Variants in AKAP19 observed in about 807,000 individuals in gnomAD.
AKAP19 encodes A-kinase anchoring protein 19.
At chr2:190,128,383 A>G in the AKAP19 span, among the ~76,000 whole-genome samples, 1 of 152,336 alleles carries the variant, frequency 6.6e-6, no homozygotes, top group Admixed American at 6.5e-5. Context: ...CTAAAGATGG[A>G]TTAATCAGAA....
At chr2:189,977,653 T>C in the AKAP19 span, among the ~76,000 whole-genome samples, 1 of 152,240 alleles carries the variant, frequency 6.6e-6, no homozygotes, top group Non-Finnish European at 1.5e-5. Flanking sequence ...TTCTAAATGA[T>C]ATTTAAAACT....
chr2:190,127,703 T>G, the AKAP19 span, among the ~76,000 whole-genome samples: 1 of 152,182 alleles, frequency 6.6e-6, no homozygotes, highest in Non-Finnish European at 1.5e-5. Context: ...ATTTTTTAAA[T>G]TGAGTTATAT....
the AKAP19 span, among the ~76,000 whole-genome samples, chr2:190,039,628 G>T: frequency 6.6e-6 from 1 of 151,540 alleles, no homozygotes. Flanking sequence ...CAGATATTAG[G>T]CCCAGTACCC....
the AKAP19 span, among the ~76,000 whole-genome samples, chr2:189,929,228 G>C: frequency 2.6e-5 from 4 of 152,230 alleles, no homozygotes; most frequent in East Asian, 7.7e-4. Context: ...TGTGTTTTAT[G>C]TAACTTCAGT....
the AKAP19 span, among the ~76,000 whole-genome samples, chr2:190,167,206 C>T: frequency 6.6e-6 from 1 of 152,198 alleles, no homozygotes; most frequent in African/African-American, 2.4e-5. Flanking sequence ...AGGCACGTCT[C>T]ACATTGTGGC....
At chr2:190,188,540 T>C in the AKAP19 span, among the ~76,000 whole-genome samples, 1 of 152,238 alleles carries the variant, frequency 6.6e-6, no homozygotes, top group African/African-American at 2.4e-5. Flanking sequence ...AGGCTAATCA[T>C]AGCTGCCTAA....
the AKAP19 span, among the ~76,000 whole-genome samples, chr2:190,060,825 A>T: frequency 3.9e-5 from 6 of 152,028 alleles, no homozygotes; most frequent in African/African-American, 1.4e-4. Flanking sequence ...CTTACTGAGC[A>T]GCTGTACCAA....
the AKAP19 span, among the ~76,000 whole-genome samples, chr2:190,163,261 C>T: frequency 6.6e-6 from 1 of 151,802 alleles, no homozygotes; most frequent in Admixed American, 6.6e-5. Flanking sequence ...GGTGAAACCC[C>T]GTTTCTACTA....
the AKAP19 span, among the ~76,000 whole-genome samples, chr2:190,171,055 A>G: frequency 6.6e-6 from 1 of 152,188 alleles, no homozygotes; most frequent in Non-Finnish European, 1.5e-5. Flanking sequence ...CTTTAAATTG[A>G]GATGGTAATT....
At chr2:190,073,744 T>C in the AKAP19 span, among the ~76,000 whole-genome samples, 1 of 151,842 alleles carries the variant, frequency 6.6e-6, no homozygotes, top group East Asian at 1.9e-4. Flanking sequence ...TACAATCACT[T>C]AGTTAAAAAA....
the AKAP19 span, among the ~76,000 whole-genome samples, chr2:190,142,315 T>C: frequency 6.6e-6 from 1 of 152,218 alleles, no homozygotes; most frequent in African/African-American, 2.4e-5. Context: ...TAAGTAAAGG[T>C]ATAATATCAT....
the AKAP19 span, among the ~76,000 whole-genome samples, chr2:189,965,652 G>A: frequency 1.3e-5 from 2 of 150,716 alleles, no homozygotes; most frequent in Non-Finnish European, 3.0e-5. Context: ...AAAAAAAATA[G>A]ATGTTGGTGT....
At chr2:189,888,042 C>T in the AKAP19 span, among the ~76,000 whole-genome samples, 1 of 152,068 alleles carries the variant, frequency 6.6e-6, no homozygotes. Flanking sequence ...CTGCCTGTGT[C>T]CTTAATGGTA....
At chr2:190,011,887 T>C in the AKAP19 span, among the ~76,000 whole-genome samples, 4 of 152,216 alleles carry the variant, frequency 2.6e-5, no homozygotes, top group African/African-American at 9.6e-5. Flanking sequence ...TTTGTTCTTT[T>C]TGCTCAAGAT....
chr2:189,937,463 C>T, the AKAP19 span, among the ~76,000 whole-genome samples: 8 of 151,934 alleles, frequency 5.3e-5, no homozygotes, highest in South Asian at 2.1e-4. Context: ...AAGAGAGCAC[C>T]GAGATCATCA....
the AKAP19 span, among the ~76,000 whole-genome samples, chr2:190,137,321 C>G: frequency 0.92 from 140,719 of 152,248 alleles, 65,409 homozygotes; most frequent in East Asian, 1. Context: ...ATTCTGTCTA[C>G]CTAAATATTT....
At chr2:189,883,157 C>T in the AKAP19 span, among the ~76,000 whole-genome samples, 1 of 152,242 alleles carries the variant, frequency 6.6e-6, no homozygotes, top group Admixed American at 6.5e-5. Context: ...AGACACTGTG[C>T]CCACAGTTCC....
the AKAP19 span, among the ~76,000 whole-genome samples, chr2:189,908,974 T>C: frequency 2.0e-5 from 3 of 152,160 alleles, no homozygotes; most frequent in East Asian, 5.8e-4. Flanking sequence ...CTCACCATTA[T>C]TGTATTGCTG....
chr2:189,899,046 C>T, the AKAP19 span, among the ~76,000 whole-genome samples: 5 of 152,092 alleles, frequency 3.3e-5, no homozygotes, highest in Non-Finnish European at 2.9e-5. Flanking sequence ...TTCTTTCCTG[C>T]TTCTGTATAC....
Sources: gnomAD v4.1 joint callset for allele counts (sites outside exome capture counted in the v4.1 genomes callset) on GRCh38, gnomAD v4.1.1 for gene constraint, MANE v1.5 for transcripts, NCBI Gene and HGNC (gene_info 2026-07-23, HGNC 2026-07-21) for gene names.